MCPH1: variants seen among roughly 807,000 people sequenced by gnomAD.
MCPH1 encodes the protein microcephalin 1.
MCPH1 carries 104 observed loss-of-function variants against 84.5 expected under a neutral mutation model. The ratio of observed to expected loss-of-function variants is 1.23; its 90% CI spans 1.05 to 1.45. The LOEUF is 1.45. Ranked by LOEUF, MCPH1 falls within the 40% of genes most tolerant of loss-of-function variation. MCPH1 has a pLI of 0.00. For missense variants in MCPH1, 1,498 were observed against 1,005.7 expected (o/e 1.49, Z -6.62); for synonymous variants, 514 against 366.8 (o/e 1.40, Z -4.58).
chr8:6,617,130 T>G (rs1008986813), intron 12 of MCPH1: 1 of 152,124 alleles, frequency 6.6e-6, no homozygotes, highest in African/African-American at 2.4e-5. Flanking sequence ...CAAGTTTATA[T>G]CAGTATTCCT....
chr8:6,415,174 T>G (rs896280986), intron 3 of MCPH1, among the ~76,000 whole-genome samples: 7 of 152,080 alleles, frequency 4.6e-5, no homozygotes, highest in Non-Finnish European at 7.4e-5. Context: ...ATTGTGTTAG[T>G]CAGCAAGCGC....
At chr8:6,485,528 TA>T (rs142329361) in intron 11 of MCPH1, among the ~76,000 whole-genome samples, 10 of 149,626 alleles carry the variant, frequency 6.7e-5, no homozygotes, top group Admixed American at 1.3e-4. Flanking sequence ...TTTTCTATCT[TA>T]AAAAAAAAAT....
intron 3 of MCPH1, among the ~76,000 whole-genome samples, chr8:6,423,186 TTTTC>T (rs1387179398): frequency 3.6e-4 from 28 of 77,160 alleles, no homozygotes; most frequent in Non-Finnish European, 9.1e-4. Flanking sequence ...TTTTCTTTTC[TTTTC>T]TTTTTTTTTT....
chr8:6,635,476 T>G (rs146121319), intron 13 of MCPH1: 1 of 152,112 alleles, frequency 6.6e-6, no homozygotes, highest in East Asian at 1.9e-4. Context: ...GTGACTATAG[T>G]CCCAGCTGTG....
chr8:6,459,662 G>C lies in MCPH1; in HGVS notation c.1935+4410G>C, dbSNP rs17076982. On this transcript the variant is annotated intron_variant, in intron 9 of 13. Coordinates refer to ENST00000344683, the MANE Select transcript of MCPH1 (RefSeq NM_024596.5). ...TTTTCACTTGAGAGCCAGCCTACAT[G>C]CTATTTCTGTAGTGAGGAAAATGAT... Among the ~76,000 whole-genome samples the C allele has an allele frequency of 9.6e-3, 1,462 of 152,308 alleles. 17 individuals carry two copies. The highest frequency in any genetic ancestry group is 0.031 in the African/African-American group (1,302 of 41,562).
chr8:6,517,529 A>G (rs1816494080), intron 12 of MCPH1, among the ~76,000 whole-genome samples: 1 of 152,246 alleles, frequency 6.6e-6, no homozygotes, highest in Admixed American at 6.5e-5. Context: ...AGATGTGCTC[A>G]AAGACCAATT....
At chr8:6,455,349 G>T (rs1310724225) in intron 9 of MCPH1, 97 bp downstream of exon 9, 4 of 898,602 alleles carry the variant, frequency 4.5e-6, no homozygotes, top group Non-Finnish European at 5.4e-6. Context: ...TATCTGACTT[G>T]TCTTTTATTC....
intron 3 of MCPH1, among the ~76,000 whole-genome samples, chr8:6,424,448 C>T (rs1022995496): frequency 6.6e-6 from 1 of 152,126 alleles, no homozygotes; most frequent in Admixed American, 6.5e-5. Context: ...AGGGGCTTAC[C>T]ACGGCTCCTT....
At chr8:6,459,792 A>G (rs957996772) in intron 9 of MCPH1, among the ~76,000 whole-genome samples, 2 of 152,228 alleles carry the variant, frequency 1.3e-5, no homozygotes, top group Non-Finnish European at 2.9e-5. Context: ...AGCCCTGCAG[A>G]CAGGACTGTC....
At chr8:6,472,882 G>C (rs990415504) in intron 9 of MCPH1, among the ~76,000 whole-genome samples, 4 of 152,158 alleles carry the variant, frequency 2.6e-5, no homozygotes, top group African/African-American at 7.2e-5. Context: ...ATGTAACTTA[G>C]AAACAATTTT....
intron 5 of MCPH1, among the ~76,000 whole-genome samples, chr8:6,436,649 A>G (rs1305250242): frequency 2.0e-5 from 3 of 150,886 alleles, no homozygotes; most frequent in Admixed American, 1.3e-4. Flanking sequence ...TTATGTATAT[A>G]TATTGTTAAA....
At position 6,438,986 on chromosome 8, in the gene MCPH1, A is replaced by G. The variant is rs1803080763; in HGVS notation, c.470A>G (p.Asn157Ser). The G allele has an allele frequency of 1.9e-6, 3 of 1,611,754 alleles. No homozygotes were observed. Among genetic ancestry groups the G allele is most frequent in the East Asian group, 2.2e-5 (1 of 44,856 alleles). The part of the protein sequence containing the change: ...DDVPILLFES[N>S]GSLIYTPTIE... ...GTACCTATTCTCTTATTTGAATCTA[A>G]TGGTTCATTAATATATACTCCCACA... The change falls in exon 6 of 14, where the codon AAT (asparagine) becomes AGT (serine). Residue 157 changes from asparagine to serine, a missense_variant. Physicochemically the swap from Asn to Ser is conservative, Grantham distance 46. Transcript: ENST00000344683.
intron 13 of MCPH1, among the ~76,000 whole-genome samples, chr8:6,624,632 G>C (rs565721268): frequency 3.9e-5 from 6 of 152,098 alleles, no homozygotes; most frequent in African/African-American, 1.4e-4. Context: ...CATACTTCTG[G>C]CTTTTCTCAC....
chr8:6,579,934 G>C (rs571747821), intron 12 of MCPH1, among the ~76,000 whole-genome samples: 2 of 152,266 alleles, frequency 1.3e-5, no homozygotes, highest in African/African-American at 4.8e-5. Flanking sequence ...CACCATTGCT[G>C]GGCCAGGACG....
chr8:6,519,089 T>C (rs1447455275), intron 12 of MCPH1, among the ~76,000 whole-genome samples: 5 of 152,158 alleles, frequency 3.3e-5, no homozygotes, highest in Non-Finnish European at 5.9e-5. Context: ...TGCCTTGAAG[T>C]GAACTCCGCT....
intron 12 of MCPH1, among the ~76,000 whole-genome samples, chr8:6,606,306 G>A (rs1046390578): frequency 6.6e-6 from 1 of 152,192 alleles, no homozygotes. Flanking sequence ...CTCAAAAGAA[G>A]AGAGTAAAAA....
At chr8:6,433,020 T>G (rs1021048175) in intron 4 of MCPH1, among the ~76,000 whole-genome samples, 3 of 152,206 alleles carry the variant, frequency 2.0e-5, no homozygotes, top group African/African-American at 7.2e-5. Context: ...CACTCACACA[T>G]GCATGCTTGA....
chr8:6,475,361 A>G (rs1268135203), intron 9 of MCPH1, among the ~76,000 whole-genome samples: 4 of 152,198 alleles, frequency 2.6e-5, no homozygotes, highest in Admixed American at 2.6e-4. Flanking sequence ...CATTCCTCTC[A>G]TGGGAGATGT....
intron 12 of MCPH1, among the ~76,000 whole-genome samples, chr8:6,598,285 A>G (rs1282740401): frequency 6.6e-6 from 1 of 152,198 alleles, no homozygotes; most frequent in Non-Finnish European, 1.5e-5. Flanking sequence ...TTTAGGATGC[A>G]GCACATGCCA....
Sources: allele counts gnomAD v4.1 joint callset (sites outside exome capture counted in the v4.1 genomes callset), GRCh38; gene constraint gnomAD v4.1.1; transcripts MANE v1.5; gene names NCBI Gene and HGNC (gene_info 2026-07-23, HGNC 2026-07-21).